The following SMCO4 variants were observed in gnomAD, a reference collection of about 807,000 sequenced individuals.
The protein encoded by SMCO4 is single-pass membrane protein with coiled-coil domains 4, also known as single-pass membrane and coiled-coil domain-containing protein 4.
In SMCO4, 4 loss-of-function variants were observed where a neutral mutation model predicts 3.6. The observed-to-expected ratio is 1.11, with a 90% confidence interval of 0.54 to 2.53. SMCO4 has a LOEUF of 2.53. Ranked by LOEUF, SMCO4 falls within the 30% of genes most tolerant of loss-of-function variation. The probability of loss-of-function intolerance (pLI) is 0.02; values close to 1 mark genes in which losing one functional copy is unlikely to be tolerated. For missense variants in SMCO4, 70 were observed against 80.8 expected (o/e 0.87, Z 0.51); for synonymous variants, 36 against 35.3 (o/e 1.02, Z -0.07).
chr11:93,516,333 T>A (rs1377488628), intron 1 of SMCO4, among the ~76,000 whole-genome samples: 2 of 152,164 alleles, frequency 1.3e-5, no homozygotes, highest in Non-Finnish European at 2.9e-5. Flanking sequence ...ACATAACTGC[T>A]AAGCTCTGTT....
rs141590513 is a variant in SMCO4 at position 93,480,823 on chromosome 11, T to C, written c.-80-1554A>G. ...GACACCATCCTGTTTTTATGAGGGATACTTAATCTCTTACCATTCCTCTCA... is the reference window on the plus strand; with the variant it reads ...GACACCATCCTGTTTTTATGAGGGACACTTAATCTCTTACCATTCCTCTCA... On this transcript the variant is annotated intron_variant, in intron 2 of 2. Transcript: ENST00000298966. 4.1e-3 allele frequency among the ~76,000 whole-genome samples: 630 copies of C among 152,318 alleles called. 3 individuals are homozygous for C. Among genetic ancestry groups the C allele is most frequent in the Admixed American group, 7.5e-3 (114 of 15,300 alleles).
At chr11:93,517,996 G>T (rs140469719) in intron 1 of SMCO4, among the ~76,000 whole-genome samples, 17 of 152,258 alleles carry the variant, frequency 1.1e-4, no homozygotes, top group Admixed American at 3.9e-4. Flanking sequence ...CATAATTCAC[G>T]GCATTTAGAC....
At chr11:93,545,495 G>T (rs978068463), upstream of SMCO4, among the ~76,000 whole-genome samples, 3 of 147,772 alleles carry the variant, frequency 2.0e-5, no homozygotes, top group African/African-American at 7.5e-5. Context: ...GCCTGAGGCA[G>T]GAGAATCACC....
intron 1 of SMCO4, among the ~76,000 whole-genome samples, chr11:93,523,535 T>G (rs1394196069): frequency 1.3e-5 from 2 of 152,144 alleles, no homozygotes; most frequent in African/African-American, 4.8e-5. Flanking sequence ...GGCACATGCC[T>G]GTAGTCCCAG....
intron 2 of SMCO4, chr11:93,481,328 C>T (rs566813206): frequency 3.9e-5 from 22 of 564,518 alleles, no homozygotes; most frequent in Middle Eastern, 9.2e-4. Flanking sequence ...CGCAGGGACG[C>T]GGTACAGGTG....
At chr11:93,536,390 T>C (rs1949225371) in intron 1 of SMCO4, among the ~76,000 whole-genome samples, 1 of 152,266 alleles carries the variant, frequency 6.6e-6, no homozygotes, top group African/African-American at 2.4e-5. Context: ...AGTTAGTTTA[T>C]ATGTCTACCA....
chr11:93,533,951 C>T lies in SMCO4; in HGVS notation c.-154+9325G>A, dbSNP rs186301698. ...CCTGTAATCCCAACACTTGTGGAGG[C>T]CAAGGTGGGCAGATCACTTTAAGTC... On this transcript the variant is annotated intron_variant, in intron 1 of 2. Coordinates refer to ENST00000298966, the MANE Select transcript of SMCO4 (RefSeq NM_020179.3). 7.9e-5 allele frequency among the ~76,000 whole-genome samples: 12 copies of T among 152,176 alleles called. No individual in the cohort carries two copies. In the East Asian group the frequency reaches 1.9e-3, roughly 24 times the overall value.
intron 2 of SMCO4, among the ~76,000 whole-genome samples, chr11:93,493,374 GC>G (rs1948740565): frequency 6.6e-6 from 1 of 151,980 alleles, no homozygotes; most frequent in African/African-American, 2.4e-5. Context: ...TCCCCACGCT[GC>G]CCCCACCTGC....
chr11:93,502,980 T>C (rs1948858367), intron 1 of SMCO4, among the ~76,000 whole-genome samples: 1 of 152,208 alleles, frequency 6.6e-6, no homozygotes, highest in Non-Finnish European at 1.5e-5. Context: ...AGGTAGGTAC[T>C]ATTATTCCCA....
chr11:93,534,186 G>T (rs1475080259), intron 1 of SMCO4, among the ~76,000 whole-genome samples: 1 of 126,474 alleles, frequency 7.9e-6, no homozygotes, highest in African/African-American at 3.0e-5. Context: ...ATGAGACTCC[G>T]TCTCAAAAAA....
At chr11:93,542,102 A>G (rs1949275396) in intron 1 of SMCO4, among the ~76,000 whole-genome samples, 1 of 67,544 alleles carries the variant, frequency 1.5e-5, no homozygotes, top group South Asian at 8.8e-4. Flanking sequence ...TACAAAGTTT[A>G]TTTGTAAAGG....
At chr11:93,488,772 G>A (rs1183178051) in intron 2 of SMCO4, among the ~76,000 whole-genome samples, 1 of 152,146 alleles carries the variant, frequency 6.6e-6, no homozygotes, top group Non-Finnish European at 1.5e-5. Context: ...GGGAGCTGTG[G>A]GCCCTTAAAG....
At chr11:93,505,871 GAT>G (rs1948894368) in intron 1 of SMCO4, among the ~76,000 whole-genome samples, 1 of 151,924 alleles carries the variant, frequency 6.6e-6, no homozygotes, top group African/African-American at 2.4e-5. Flanking sequence ...TGATGATGAT[GAT>G]GATGATGATG....
chr11:93,484,134 C>T (rs1314252704), intron 2 of SMCO4, among the ~76,000 whole-genome samples: 1 of 152,204 alleles, frequency 6.6e-6, no homozygotes, highest in South Asian at 2.1e-4. Context: ...CACCAGCACA[C>T]ACCCACGGCA....
intron 1 of SMCO4, among the ~76,000 whole-genome samples, chr11:93,512,769 T>A (rs889497218): frequency 6.6e-6 from 1 of 152,202 alleles, no homozygotes; most frequent in Non-Finnish European, 1.5e-5. Flanking sequence ...TTTCTCAGGA[T>A]GTGTCCCTGT....
chr11:93,548,412 AC>A, the SMCO4 span, among the ~76,000 whole-genome samples: 1 of 152,210 alleles, frequency 6.6e-6, no homozygotes, highest in African/African-American at 2.4e-5. Flanking sequence ...AATCTCAGAG[AC>A]CTGGACAATC....
chr11:93,511,901 AT>A (rs1948961072), intron 1 of SMCO4, among the ~76,000 whole-genome samples: 1 of 152,166 alleles, frequency 6.6e-6, no homozygotes, highest in Non-Finnish European at 1.5e-5. Context: ...GGTAATTTTC[AT>A]TTTGTAAACA....
chr11:93,494,594 A>C (rs1277527040), intron 2 of SMCO4, among the ~76,000 whole-genome samples: 1 of 152,192 alleles, frequency 6.6e-6, no homozygotes, highest in Non-Finnish European at 1.5e-5. Flanking sequence ...ACAATCATCC[A>C]GAAACTCCAG....
At chr11:93,481,604 G>T in intron 2 of SMCO4, 2 of 794,456 alleles carry the variant, frequency 2.5e-6, no homozygotes, top group South Asian at 1.1e-4. Context: ...AGGAAACCAA[G>T]GAGCAAAGGG....
Sources: allele counts gnomAD v4.1 joint callset (sites outside exome capture counted in the v4.1 genomes callset), GRCh38; gene constraint gnomAD v4.1.1; transcripts MANE v1.5; gene names NCBI Gene and HGNC (gene_info 2026-07-23, HGNC 2026-07-21).